The following GSDME variants were observed in gnomAD, a reference collection of about 807,000 sequenced individuals.
GSDME encodes gasdermin E.
A neutral mutation model predicts 47.5 loss-of-function variants in GSDME; 44 were observed. The observed-to-expected ratio is 0.93, with a 90% CI of 0.73 to 1.19. The LOEUF is 1.19. Ranked by LOEUF, GSDME falls within the 50% of genes most tolerant of loss-of-function variation. GSDME has a pLI of 0.00. For missense variants in GSDME, 663 were observed against 604.2 expected (o/e 1.10, Z -1.02); for synonymous variants, 258 against 252.8 (o/e 1.02, Z -0.20).
chr7:24,703,824 G>C (rs967554730), intron 8 of GSDME: 1 of 152,218 alleles, frequency 6.6e-6, no homozygotes, highest in Non-Finnish European at 1.5e-5. Flanking sequence ...AAGATCCACA[G>C]TTTCTCAAGT....
the GSDME span, among the ~76,000 whole-genome samples, chr7:24,793,226 A>AT: frequency 6.6e-6 from 1 of 152,306 alleles, no homozygotes; most frequent in Admixed American, 6.5e-5. Flanking sequence ...ATAAGGTAAG[A>AT]TTTTTTATAG....
In GSDME at chr7:24,705,260, T is replaced by G. The variant is rs1789047407; in HGVS notation, c.1183+924A>C. 1 of 152,192 alleles carries G rather than the reference T, an allele frequency of 6.6e-6. No individual in the cohort carries two copies. The highest frequency in any genetic ancestry group is 1.5e-5 in the Non-Finnish European group (1 of 68,050). 9.4% of individuals were successfully genotyped at this position (152,192 alleles called of 1,614,324 possible). On this transcript the variant is annotated intron_variant, in intron 8 of 9. Transcript: ENST00000645220. This position sits in a 1 kb window ranked among gnomAD's most constrained non-coding sequence, Gnocchi z 4.1. ...AGTCTCTAGTGGAGTTCCGCAGGGC[T>G]CTGTCTTATGTCCTGTTTCAGTTTA...
the GSDME span, among the ~76,000 whole-genome samples, chr7:24,790,657 T>A: frequency 6.6e-6 from 1 of 152,280 alleles, no homozygotes; most frequent in South Asian, 2.1e-4. This position sits in a 1 kb window ranked among gnomAD's most constrained non-coding sequence, Gnocchi z 4.1. Flanking sequence ...TTCTTTTTAG[T>A]ATGGTTTAGA....
chr7:24,748,449 C>G (rs1413297784), intron 2 of GSDME, among the ~76,000 whole-genome samples: 1 of 152,038 alleles, frequency 6.6e-6, no homozygotes, highest in Non-Finnish European at 1.5e-5. Context: ...TGAGCCACCA[C>G]GCCCGGCCTA....
chr7:24,777,860 C>T, the GSDME span, among the ~76,000 whole-genome samples: 1 of 151,912 alleles, frequency 6.6e-6, no homozygotes, highest in Non-Finnish European at 1.5e-5. Flanking sequence ...TAGAGAGATC[C>T]CATCTCCAAA....
chr7:24,754,892 G>T lies in GSDME; in HGVS notation c.-20+2504C>A, dbSNP rs997145071. Among the ~76,000 whole-genome samples, 3 of 152,224 alleles carry T rather than the reference G, an allele frequency of 2.0e-5. No homozygotes were observed. The highest frequency in any genetic ancestry group is 7.2e-5 in the African/African-American group (3 of 41,444). On this transcript the variant is annotated intron_variant, in intron 1 of 9. Coordinates refer to ENST00000645220, the MANE Select transcript of GSDME (RefSeq NM_001127453.2). The surrounding 1 kb of genome is among the most constrained non-coding windows in gnomAD (Gnocchi z 5.0). ...CTGGTTGAACCCTGGGCCTCTGCCT[G>T]AAGAGTTCTAGAAAAGAAACTTCAA...
In GSDME at chr7:24,749,481, G is replaced by T. The variant is rs556969465; in HGVS notation, c.211+83C>A. 1,225 of 1,199,178 alleles carry T rather than the reference G, an allele frequency of 1.0e-3. 7 individuals carry two copies. The African/African-American group carries it at 0.017, about 17-fold the overall frequency. The allele number at this position is 1,199,178 out of a possible 1,614,324, so 74.3% of individuals were successfully genotyped here. A position where few individuals can be genotyped will look rare whatever the true frequency, so the allele number is the denominator to read the frequency against. On this transcript the variant is annotated intron_variant, in intron 2 of 9. Coordinates refer to ENST00000645220, the MANE Select transcript of GSDME (RefSeq NM_001127453.2). ...CACGCCACTGCACTCCAGCATGGGCGACAGAGACTCTGTGTCAAAAAAAAA... is the reference window on the plus strand; with the variant it reads ...CACGCCACTGCACTCCAGCATGGGCTACAGAGACTCTGTGTCAAAAAAAAA...
Position 24,751,258 on chromosome 7 carries a change from C to T in GSDME, c.-19-1465G>A, listed in dbSNP as rs777383455. Among the ~76,000 whole-genome samples the T allele has an allele frequency of 3.3e-5, 5 of 151,756 alleles. No individual in the cohort carries two copies. The South Asian group carries it at 6.4e-4, about 19-fold the overall frequency. ...GCACATAGCCCAATATATATATACA[C>T]GCATGTATAATAAGTTACCACATAC... On this transcript the variant is annotated intron_variant, in intron 1 of 9. Coordinates refer to ENST00000645220, the MANE Select transcript of GSDME (RefSeq NM_001127453.2).
At chr7:24,702,866 A>G in intron 8 of GSDME, 33 bp from the exon 9 acceptor site, 1 of 1,595,734 alleles carries the variant, frequency 6.3e-7, no homozygotes, top group Non-Finnish European at 8.6e-7. Context: ...TCACAGTCCA[A>G]AAAAACAAGT....
chr7:24,720,197 A>G (rs1789724506), intron 3 of GSDME, among the ~76,000 whole-genome samples: 1 of 152,244 alleles, frequency 6.6e-6, no homozygotes, highest in Non-Finnish European at 1.5e-5. Context: ...ACTTTCAAGA[A>G]CAGACTAAAT....
chr7:24,747,778 C>T (rs1790714725), intron 2 of GSDME, among the ~76,000 whole-genome samples: 1 of 152,076 alleles, frequency 6.6e-6, no homozygotes. Flanking sequence ...AGCGATCCTC[C>T]CACCTCAACC....
At position 24,727,695 on chromosome 7, in the gene GSDME, C is replaced by A. The variant is rs560268950; in HGVS notation, c.405-8477G>T. Among the ~76,000 whole-genome samples the A allele has an allele frequency of 3.9e-5, 6 of 152,358 alleles. No individual in the cohort carries two copies. In the East Asian group the frequency reaches 1.2e-3, roughly 29 times the overall value. On this transcript the variant is annotated intron_variant, in intron 3 of 9. Coordinates refer to ENST00000645220, the MANE Select transcript of GSDME (RefSeq NM_001127453.2). ...TTTCATTAAGTGGGAAAGTCTGCTT[C>A]TCTCTTGATAACCAACCTCCTCCAG...
In GSDME at chr7:24,719,022, C is replaced by G. The variant is rs201217155; in HGVS notation, c.576+25G>C. On this transcript the variant is annotated intron_variant, in intron 4 of 9. Transcript: ENST00000645220. ...GTCTCCAGGACTGCTCAGCCATGAA[C>G]GCAGGGCAGCCCGACTGCACGCACC... 2.5e-6 allele frequency: 4 copies of G among 1,610,796 alleles called. No homozygotes were observed. In the South Asian group the frequency reaches 4.4e-5, roughly 18 times the overall value.
chr7:24,698,957 CA>C lies in GSDME; in HGVS notation c.*68del. On this transcript the variant is annotated 3_prime_UTR_variant, in exon 10 of 10. Transcript: ENST00000645220. ...ATTTCATTGGTCAACTTTTAACGTG[CA>C]TATGACCTTTAACAGTTCTGAAAAA... 9.7e-7 allele frequency: 1 copy of C among 1,032,120 alleles called. No individual in the cohort carries two copies. The highest frequency in any genetic ancestry group is 1.5e-6 in the Non-Finnish European group (1 of 667,316). The allele number at this position is 1,032,120 out of a possible 1,614,324, so 63.9% of individuals were successfully genotyped here.
At chr7:24,771,944 C>G in the GSDME span, among the ~76,000 whole-genome samples, 25 of 151,812 alleles carry the variant, frequency 1.6e-4, no homozygotes, top group South Asian at 5.0e-3. This position sits in a 1 kb window ranked among gnomAD's most constrained non-coding sequence, Gnocchi z 4.1. Flanking sequence ...TATTATCATC[C>G]CATTTGAAAA....
Position 24,705,445 on chromosome 7 carries a change from A to G in GSDME, c.1183+739T>C, listed in dbSNP as rs1789055685. ...GCTAGGGAGGAACCCTGAATGTATC[A>G]GAAACTATGTGTCCTGACTAGTGTC... On this transcript the variant is annotated intron_variant, in intron 8 of 9. Transcript: ENST00000645220. The surrounding 1 kb of genome is among the most constrained non-coding windows in gnomAD (Gnocchi z 4.1). The G allele has an allele frequency of 6.5e-6, 1 of 153,934 alleles. No individual in the cohort carries two copies. The highest frequency in any genetic ancestry group is 6.4e-5 in the Admixed American group (1 of 15,610). The allele number at this position is 153,934 out of a possible 1,614,324, so 9.5% of individuals were successfully genotyped here. A position where few individuals can be genotyped will look rare whatever the true frequency, so the allele number is the denominator to read the frequency against.
chr7:24,709,912 G>A (rs535567798), intron 6 of GSDME, among the ~76,000 whole-genome samples: 2 of 152,246 alleles, frequency 1.3e-5, no homozygotes, highest in East Asian at 3.9e-4. Context: ...TAGTCAACAG[G>A]GCTTCTGTGC....
chr7:24,748,169 T>TATATA (rs1491520142), intron 2 of GSDME, among the ~76,000 whole-genome samples: 2 of 84,894 alleles, frequency 2.4e-5, no homozygotes, highest in Non-Finnish European at 2.4e-5. Flanking sequence ...TATATATATA[T>TATATA]TTTTTTTTGA....
the GSDME span, among the ~76,000 whole-genome samples, chr7:24,795,064 T>C: frequency 6.6e-6 from 1 of 151,682 alleles, no homozygotes; most frequent in Non-Finnish European, 1.5e-5. Flanking sequence ...TCAGATGGAG[T>C]GGGCAAGTTC....
Sources: allele counts gnomAD v4.1 joint callset (sites outside exome capture counted in the v4.1 genomes callset), GRCh38; gene constraint gnomAD v4.1.1; non-coding constraint Gnocchi (gnomAD v3.1); transcripts MANE v1.5; gene names NCBI Gene and HGNC (gene_info 2026-07-23, HGNC 2026-07-21).